The following TANC2 variants were observed in gnomAD, a reference collection of about 807,000 sequenced individuals.
TANC2 encodes the protein protein TANC2.
A neutral mutation model predicts 210.5 loss-of-function variants in TANC2; 26 were observed. The ratio of observed to expected loss-of-function variants is 0.12; its 90% CI spans 0.09 to 0.17. TANC2 has a LOEUF of 0.17. Among genes scored for constraint, TANC2 ranks in the 10% least tolerant of loss-of-function variants. TANC2 has a pLI of 1.00. For missense variants in TANC2, 2,129 were observed against 2,608.9 expected (o/e 0.82, Z 4.01); for synonymous variants, 931 against 967.1 (o/e 0.96, Z 0.69).
intron 9 of TANC2, among the ~76,000 whole-genome samples, chr17:63,270,531 A>G (rs1221424543): frequency 6.6e-6 from 1 of 152,162 alleles, no homozygotes; most frequent in Admixed American, 6.6e-5. Flanking sequence ...ATTATGATTA[A>G]AATGAAACTA....
In TANC2 at chr17:63,302,290, C is replaced by T. The variant is rs560681995; in HGVS notation, c.1160-12098C>T. On this transcript the variant is annotated intron_variant, in intron 9 of 27. Transcript: ENST00000689528. ...TGGAGAGTTCTGTAGATGTCTATCA[C>T]GTCCACTTGATCCAGAGCTGAGTTC... Among the ~76,000 whole-genome samples the T allele has an allele frequency of 1.2e-4, 18 of 151,886 alleles. 1 individual carries two copies. The South Asian group carries it at 3.1e-3, about 26-fold the overall frequency.
rs548675237 is a variant in TANC2 at position 62,969,713 on chromosome 17, A to G, written c.-24+2964A>G. ...ATATAGTGTGTGTGTGTGTGTGTGTATATAAATACACATTCATACACACAC... is the reference window on the plus strand; with the variant it reads ...ATATAGTGTGTGTGTGTGTGTGTGTGTATAAATACACATTCATACACACAC... On this transcript the variant is annotated intron_variant, in intron 1 of 27. Coordinates refer to ENST00000689528, the Ensembl canonical transcript of TANC2. 4.6e-3 allele frequency among the ~76,000 whole-genome samples: 648 copies of G among 142,272 alleles called. 2 individuals carry two copies. The highest frequency in any genetic ancestry group is 6.4e-3 in the Non-Finnish European group (407 of 63,702). 93.3% of individuals were successfully genotyped at this position (142,272 alleles called of 152,430 possible).
At chr17:63,009,721 T>A in intron 2 of TANC2, 95 bp downstream of exon 2, 2 of 1,042,574 alleles carry the variant, frequency 1.9e-6, no homozygotes, top group Non-Finnish European at 2.9e-6. Flanking sequence ...TATTAATGCT[T>A]AACTTAGAAC....
At chr17:63,090,660 A>G (rs758633701) in intron 3 of TANC2, among the ~76,000 whole-genome samples, 29 of 152,308 alleles carry the variant, frequency 1.9e-4, no homozygotes, top group Non-Finnish European at 2.8e-4. Flanking sequence ...TAGTGCTGCA[A>G]TAAACATACG....
intron 17 of TANC2, 109 bp from the exon 18 acceptor site, chr17:63,395,634 G>A (rs2048130344): frequency 3.0e-6 from 3 of 1,005,218 alleles, no homozygotes; most frequent in Admixed American, 2.3e-5. Flanking sequence ...TTCCAGGAGT[G>A]GAAAGGATGA....
chr17:63,130,467 G>A (rs1284411136), intron 4 of TANC2, among the ~76,000 whole-genome samples: 1 of 150,824 alleles, frequency 6.6e-6, no homozygotes, highest in Admixed American at 6.6e-5. Flanking sequence ...AGCCAAGATT[G>A]TACCACTGCA....
intron 2 of TANC2, among the ~76,000 whole-genome samples, chr17:63,072,765 T>A (rs2036442651): frequency 6.6e-6 from 1 of 152,108 alleles, no homozygotes; most frequent in South Asian, 2.1e-4. Flanking sequence ...GTTACTGTAC[T>A]TGCTAGTTTA....
chr17:63,097,986 C>A (rs1054286123), intron 3 of TANC2, among the ~76,000 whole-genome samples: 15 of 151,858 alleles, frequency 9.9e-5, no homozygotes, highest in Admixed American at 7.9e-4. Flanking sequence ...AATTTCATTC[C>A]TCTGCTAAAA....
chr17:62,978,957 A>T (rs2032163102), intron 1 of TANC2: 1 of 152,188 alleles, frequency 6.6e-6, no homozygotes, highest in African/African-American at 2.4e-5. Flanking sequence ...ATTTCCCCAG[A>T]ATGTATATGG....
At chr17:63,234,593 A>C (rs796326408) in intron 7 of TANC2, among the ~76,000 whole-genome samples, 2 of 151,910 alleles carry the variant, frequency 1.3e-5, no homozygotes, top group African/African-American at 2.4e-5. Context: ...CCTTTGTTTT[A>C]TCTCTCCTAT....
intron 11 of TANC2, among the ~76,000 whole-genome samples, chr17:63,319,380 G>A (rs749313486): frequency 6.6e-6 from 1 of 152,066 alleles, no homozygotes; most frequent in Non-Finnish European, 1.5e-5. Context: ...AGTTTCTCTC[G>A]GTTTCCTGGG....
rs545111593 is a variant in TANC2 at position 63,420,128 on chromosome 17, G to A, written c.4398G>A (p.Pro1466=). Residue 1466 remains proline, a synonymous_variant, in exon 28 of 28, where the codon CCG becomes CCA. Coordinates refer to ENST00000689528, the Ensembl canonical transcript of TANC2. This position sits in a 1 kb window ranked among gnomAD's most constrained non-coding sequence, Gnocchi z 4.2. ...AGATGCAGCAGCCACAGCAGCCACC[G>A]CCGCCACCGCAGCCTCAGCAGCAGT... 9.0e-6 allele frequency: 14 copies of A among 1,552,588 alleles called. No individual in the cohort carries two copies. Among genetic ancestry groups the A allele is most frequent in the African/African-American group, 5.5e-5 (4 of 73,206 alleles).
exon 20 of TANC2, chr17:63,405,193 G>A (rs1446885616): frequency 6.2e-7 from 1 of 1,611,632 alleles, no homozygotes; most frequent in African/African-American, 1.3e-5. Flanking sequence ...GGCGGCAGTG[G>A]CCCAGCCAAA....
At chr17:63,200,750 T>C in intron 6 of TANC2, 21 bp from the exon 7 acceptor site, 2 of 1,605,182 alleles carry the variant, frequency 1.2e-6, no homozygotes, top group Non-Finnish European at 1.7e-6. Context: ...ATCTTACTTA[T>C]TCATGATTCC....
intron 1 of TANC2, chr17:62,968,489 A>G (rs990659895): frequency 6.6e-6 from 1 of 152,204 alleles, no homozygotes; most frequent in African/African-American, 2.4e-5. Flanking sequence ...TTCTGTAGAT[A>G]TGTCCCTTAC....
intron 4 of TANC2, among the ~76,000 whole-genome samples, chr17:63,146,150 A>AT (rs1452825820): frequency 4.0e-5 from 6 of 151,506 alleles, no homozygotes; most frequent in African/African-American, 1.5e-4. Flanking sequence ...TACATATTTT[A>AT]TTTTTTTGTT....
At chr17:63,294,618 A>G (rs2044479510) in intron 9 of TANC2, among the ~76,000 whole-genome samples, 1 of 152,128 alleles carries the variant, frequency 6.6e-6, no homozygotes. Context: ...TACAACAAAC[A>G]CTCATATGCC....
Position 63,420,317 on chromosome 17 carries a change from C to G in TANC2, c.4587C>G (p.Ser1529=), listed in dbSNP as rs773302261. The G allele has an allele frequency of 4.3e-6, 7 of 1,613,972 alleles. No individual in the cohort carries two copies. The highest frequency in any genetic ancestry group is 5.9e-6 in the Non-Finnish European group (7 of 1,179,876). ...TCCCGGTCATCCAGAGCCCACCCTC[C>G]TCTCCCCCGCATCGGGACTCAGCCT... is the stretch of plus-strand genomic sequence containing the variant. The change falls in exon 28 of 28, where the codon TCC becomes TCG. Residue 1529 remains serine, a synonymous_variant. Coordinates refer to ENST00000689528, the Ensembl canonical transcript of TANC2. This position sits in a 1 kb window ranked among gnomAD's most constrained non-coding sequence, Gnocchi z 4.2.
At chr17:63,295,746 G>A (rs1307300063) in intron 9 of TANC2, among the ~76,000 whole-genome samples, 1 of 152,072 alleles carries the variant, frequency 6.6e-6, no homozygotes, top group Non-Finnish European at 1.5e-5. Context: ...AATAGAAAAG[G>A]CCTGGATTTT....
Sources: allele counts gnomAD v4.1 joint callset (sites outside exome capture counted in the v4.1 genomes callset), GRCh38; gene constraint gnomAD v4.1.1; non-coding constraint Gnocchi (gnomAD v3.1); transcripts MANE v1.5; gene names NCBI Gene and HGNC (gene_info 2026-07-23, HGNC 2026-07-21).